Variants in CYP4B1 observed in about 807,000 individuals in gnomAD.
The protein encoded by CYP4B1 is cytochrome P450 family 4 subfamily B member 1, also known as cytochrome P450 4B1.
Under a neutral mutation model 54.0 loss-of-function variants are expected in CYP4B1, and 45 were observed. The observed-to-expected ratio is 0.83, with a 90% confidence interval of 0.66 to 1.07. The LOEUF (loss-of-function observed/expected upper bound fraction) is 1.07. CYP4B1 is among the 50% of genes least tolerant of loss of function. CYP4B1 has a pLI of 0.00. For synonymous variants in CYP4B1, 248 were observed against 247.5 expected (o/e 1.00, Z -0.02); for missense variants, 656 against 655.4 (o/e 1.00, Z -0.01).
In CYP4B1 at chr1:46,799,711, CCG is replaced by C. The variant is rs142006029; in HGVS notation, c.180+452_180+453del. On this transcript the variant is annotated intron_variant, in intron 1 of 11. Transcript: ENST00000371923. Reference sequence around the variant, plus strand: ...ATGAGAGTGAGCATGAAGATGAGTACCGCCACATGACAGACCTCACCGAGTGT... The same window carrying C: ...ATGAGAGTGAGCATGAAGATGAGTACCCACATGACAGACCTCACCGAGTGT... Among the ~76,000 whole-genome samples the C allele has an allele frequency of 8.6e-3, 1,312 of 152,352 alleles. 21 individuals carry two copies. Among genetic ancestry groups the C allele is most frequent in the African/African-American group, 0.028 (1,183 of 41,582 alleles).
intron 4 of CYP4B1, 36 bp downstream of exon 4, chr1:46,812,659 C>T: frequency 6.2e-7 from 1 of 1,602,752 alleles, no homozygotes; most frequent in Non-Finnish European, 8.5e-7. Context: ...GAGGCTGTTG[C>T]CTGCTGGGCT....
At chr1:46,807,699 T>C (rs1465077596) in intron 1 of CYP4B1, among the ~76,000 whole-genome samples, 5 of 152,210 alleles carry the variant, frequency 3.3e-5, no homozygotes, top group African/African-American at 4.8e-5. Context: ...GATTCTGCGT[T>C]CAGAGGCAGT....
intron 11 of CYP4B1, 130 bp from the exon 12 acceptor site, chr1:46,818,501 A>G: frequency 4.1e-6 from 4 of 984,604 alleles, no homozygotes; most frequent in Non-Finnish European, 6.2e-6. Flanking sequence ...TCATAAGCCC[A>G]GGTCAACCAA....
intron 4 of CYP4B1, 137 bp downstream of exon 4, chr1:46,812,760 C>A: frequency 1.0e-6 from 1 of 993,800 alleles, no homozygotes; most frequent in Admixed American, 2.4e-5. Flanking sequence ...GTTCTGCCTG[C>A]AACAGCAGTG....
chr1:46,812,389 AC>A, intron 3 of CYP4B1, 106 bp from the exon 4 acceptor site: 1 of 1,373,110 alleles, frequency 7.3e-7, no homozygotes. Flanking sequence ...TTAGTGGCCC[AC>A]CCTTGGAGGG....
chr1:46,799,226 C>A lies in CYP4B1; in HGVS notation c.145C>A (p.Pro49Thr). 1 of 1,603,218 alleles carries A rather than the reference C, an allele frequency of 6.2e-7. No homozygotes were observed. The highest frequency in any genetic ancestry group is 1.1e-5 in the South Asian group (1 of 89,018). Residue 49 changes from proline to threonine, a missense_variant, in exon 1 of 12, where the codon CCT becomes ACT. By Grantham distance (38) the Pro-to-Thr change is conservative (BLOSUM62 -1). Coordinates refer to ENST00000371923, the MANE Select transcript of CYP4B1 (RefSeq NM_001099772.2). ...LAKAMDKFPG[P>T]PTHWLFGHAL... Reference sequence around the variant, plus strand: ...TAAGGCTATGGACAAATTCCCAGGGCCTCCCACCCACTGGCTTTTTGGACA... The same window carrying A: ...TAAGGCTATGGACAAATTCCCAGGGACTCCCACCCACTGGCTTTTTGGACA...
At chr1:46,815,895 C>G (rs1679314783) in intron 8 of CYP4B1, among the ~76,000 whole-genome samples, 1 of 152,138 alleles carries the variant, frequency 6.6e-6, no homozygotes, top group Admixed American at 6.5e-5. Flanking sequence ...CCCCTCAGGC[C>G]TTTGCTTGTG....
At chr1:46,817,393 G>A (rs1391220545) in intron 9 of CYP4B1, 1 of 602,560 alleles carries the variant, frequency 1.7e-6, no homozygotes, top group Non-Finnish European at 2.9e-6. Flanking sequence ...GATGAGAAGA[G>A]TATCTATGTT....
intron 3 of CYP4B1, among the ~76,000 whole-genome samples, chr1:46,811,733 T>C (rs1026303538): frequency 2.0e-5 from 3 of 152,194 alleles, no homozygotes; most frequent in Non-Finnish European, 2.9e-5. Context: ...TTTACAGAGG[T>C]ACTCAAGTTA....
Position 46,813,890 on chromosome 1 carries a change from C to T in CYP4B1, c.621-19C>T, listed in dbSNP as rs200579490. ...TGGGCCAGTGTCTAAGCCAATCCCT[C>T]CTCCTACCCTCTGCTTAGCAGGGAC... On this transcript the variant is annotated intron_variant, in intron 5 of 11. Coordinates refer to ENST00000371923, the MANE Select transcript of CYP4B1 (RefSeq NM_001099772.2). 266 of 1,572,638 alleles carry T rather than the reference C, an allele frequency of 1.7e-4. No individual in the cohort carries two copies. The highest frequency in any genetic ancestry group is 7.8e-4 in the Admixed American group (44 of 56,756).
At chr1:46,805,318 G>C (rs915471561) in intron 1 of CYP4B1, among the ~76,000 whole-genome samples, 2 of 152,340 alleles carry the variant, frequency 1.3e-5, no homozygotes, top group East Asian at 3.9e-4. Flanking sequence ...AGGGATGTTG[G>C]GGGCAGAGCA....
intron 1 of CYP4B1, among the ~76,000 whole-genome samples, chr1:46,800,298 C>CTTCCTTCCTTCTTTCT (rs1553130205): frequency 5.0e-4 from 44 of 87,902 alleles, no homozygotes; most frequent in East Asian, 2.8e-3. Flanking sequence ...TCCTTCCTTC[C>CTTCCTTCCTTCTTTCT]TTCTTTCCTT....
intron 8 of CYP4B1, among the ~76,000 whole-genome samples, chr1:46,816,687 A>G (rs1679345213): frequency 6.6e-6 from 1 of 152,060 alleles, no homozygotes; most frequent in Admixed American, 6.6e-5. Flanking sequence ...CATTCAGCTC[A>G]GTAGGGGAAA....
chr1:46,810,999 C>T, intron 2 of CYP4B1, 50 bp downstream of exon 2: 1 of 1,609,694 alleles, frequency 6.2e-7, no homozygotes, highest in East Asian at 2.2e-5. Flanking sequence ...TTCCTGAGAA[C>T]AAAGGGCTCA....
At chr1:46,800,243 T>C (rs58648046) in intron 1 of CYP4B1, among the ~76,000 whole-genome samples, 253 of 15,800 alleles carry the variant, frequency 0.016, 20 homozygotes, top group Middle Eastern at 0.067. Flanking sequence ...CTTTCTTTCC[T>C]TCCTTCCTTC....
intron 7 of CYP4B1, 186 bp from the exon 8 acceptor site, chr1:46,814,888 G>A (rs1174167273): frequency 1.7e-6 from 1 of 602,258 alleles, no homozygotes; most frequent in Non-Finnish European, 2.9e-6. Context: ...GGGCTTTGTG[G>A]AGGAGGAGGC....
At chr1:46,805,246 C>G (rs1198373328) in intron 1 of CYP4B1, among the ~76,000 whole-genome samples, 1 of 152,232 alleles carries the variant, frequency 6.6e-6, no homozygotes, top group Non-Finnish European at 1.5e-5. Context: ...TTCCTGCATT[C>G]CTCCTCTCAT....
rs764145436 is a variant in CYP4B1 at position 46,810,916 on chromosome 1, C to A, written c.289C>A (p.Pro97Thr). The A allele has an allele frequency of 4.3e-6, 7 of 1,614,094 alleles. No homozygotes were observed. In the Admixed American group the frequency reaches 1.2e-4, roughly 27 times the overall value. Residue 97 changes from proline (P) to threonine (T), a missense_variant, in exon 2 of 12, where the codon CCT becomes ACT. Physicochemically the swap from Pro to Thr is conservative, Grantham distance 38 (BLOSUM62 -1). Coordinates refer to ENST00000371923, the MANE Select transcript of CYP4B1 (RefSeq NM_001099772.2). The stretch of plus-strand genomic sequence containing the variant: ...CATTGGCTTCCTGAACATCTATGAG[C>A]CTGACTATGCCAAAGCTGTGTACAG... ...QFIGFLNIYEPDYAKAVYSRG... is the reference protein window; with the variant it reads ...QFIGFLNIYETDYAKAVYSRG...
intron 3 of CYP4B1, 183 bp from the exon 4 acceptor site, chr1:46,812,313 G>A (rs1412704507): frequency 1.4e-6 from 1 of 719,678 alleles, no homozygotes; most frequent in Admixed American, 2.0e-5. Flanking sequence ...GCCAAGAACT[G>A]CTGCCACCTG....
Sources: gnomAD v4.1 joint callset for allele counts (sites outside exome capture counted in the v4.1 genomes callset) on GRCh38, gnomAD v4.1.1 for gene constraint, MANE v1.5 for transcripts, NCBI Gene and HGNC (gene_info 2026-07-23, HGNC 2026-07-21) for gene names.